Variants in OPCML observed in about 807,000 individuals in gnomAD.
OPCML encodes opioid binding protein/cell adhesion molecule like.
Under a neutral mutation model 37.8 loss-of-function variants are expected in OPCML, and 13 were observed. The ratio of observed to expected loss-of-function variants is 0.34; its 90% CI spans 0.22 to 0.55. OPCML has a LOEUF of 0.55. OPCML is among the 20% of genes least tolerant of loss of function. The pLI is 0.91. For synonymous variants in OPCML, 176 were observed against 168.8 expected (o/e 1.04, Z -0.33); for missense variants, 341 against 435.6 (o/e 0.78, Z 1.93).
chr11:132,920,580 T>C (rs1233391567), intron 2 of OPCML, among the ~76,000 whole-genome samples: 1 of 152,096 alleles, frequency 6.6e-6, no homozygotes, highest in Non-Finnish European at 1.5e-5. Flanking sequence ...GGTGCACACA[T>C]GGCCCCAGGA....
At chr11:133,330,603 A>G (rs1261977811) in intron 1 of OPCML, among the ~76,000 whole-genome samples, 1 of 151,336 alleles carries the variant, frequency 6.6e-6, no homozygotes, top group Non-Finnish European at 1.5e-5. Context: ...ACCAAACACC[A>G]GATGTTCTCA....
intron 1 of OPCML, among the ~76,000 whole-genome samples, chr11:133,035,262 A>G (rs1412824410): frequency 2.0e-5 from 3 of 152,198 alleles, no homozygotes; most frequent in African/African-American, 7.2e-5. Flanking sequence ...GCCTCTTCCT[A>G]GAGAAACTTT....
chr11:133,435,987 T>A (rs1484684942), intron 1 of OPCML, among the ~76,000 whole-genome samples: 1 of 152,212 alleles, frequency 6.6e-6, no homozygotes, highest in Non-Finnish European at 1.5e-5. Flanking sequence ...CTATAAATAA[T>A]GATTTCCAAA....
chr11:132,744,260 T>C (rs1400490961), intron 2 of OPCML, among the ~76,000 whole-genome samples: 1 of 152,200 alleles, frequency 6.6e-6, no homozygotes, highest in Admixed American at 6.5e-5. Flanking sequence ...GCCCATTTTT[T>C]ATGCACTCGC....
chr11:133,212,500 C>T lies in OPCML; in HGVS notation c.62-269490G>A, dbSNP rs1335266693. Among the ~76,000 whole-genome samples the T allele has an allele frequency of 6.6e-6, 1 of 152,238 alleles. No individual in the cohort carries two copies. The highest frequency in any genetic ancestry group is 2.4e-5 in the African/African-American group (1 of 41,466). On this transcript the variant is annotated intron_variant, in intron 1 of 7. Coordinates refer to ENST00000524381, the MANE Select transcript of OPCML (RefSeq NM_001012393.5). The surrounding 1 kb of genome is among the most constrained non-coding windows in gnomAD (Gnocchi z 4.9). ...TCAAGTCTTTGCTCCATTGTCTCAT[C>T]TTCCAGAACGCCGACCCTCGGCACC...
At chr11:133,233,288 G>T (rs111876038) in intron 1 of OPCML, among the ~76,000 whole-genome samples, 1 of 152,124 alleles carries the variant, frequency 6.6e-6, no homozygotes, top group African/African-American at 2.4e-5. Context: ...CCCCAAATAT[G>T]CCACTTTGGC....
chr11:132,643,058 C>T (rs2135727482), intron 3 of OPCML, among the ~76,000 whole-genome samples: 1 of 152,304 alleles, frequency 6.6e-6, no homozygotes, highest in African/African-American at 2.4e-5. Context: ...ACCTGGCCTG[C>T]TCCTGCTGTG....
intron 1 of OPCML, among the ~76,000 whole-genome samples, chr11:132,966,091 AT>A (rs1025926727): frequency 6.7e-6 from 1 of 149,870 alleles, no homozygotes; most frequent in East Asian, 2.0e-4. Context: ...TTAGTTTTCT[AT>A]TTTTTTCCCA....
rs1027943198 is a variant in OPCML, at chr11:133,207,167, G to A, written c.62-264157C>T. Among the ~76,000 whole-genome samples, 5 of 151,506 alleles carry A rather than the reference G, an allele frequency of 3.3e-5. No homozygotes were observed. The South Asian group carries it at 6.3e-4, about 19-fold the overall frequency. On this transcript the variant is annotated intron_variant, in intron 1 of 7. Transcript: ENST00000524381. The stretch of plus-strand genomic sequence containing the variant: ...TACAAAAAATTAACCAGGTGTGGTG[G>A]CGGGCACCTGTTGTCCCAGCTACTC...
chr11:133,079,232 G>C (rs1046894555), intron 1 of OPCML, among the ~76,000 whole-genome samples: 1 of 152,138 alleles, frequency 6.6e-6, no homozygotes, highest in Admixed American at 6.5e-5. Context: ...AACGAGAGGC[G>C]TATTTCAACT....
intron 1 of OPCML, among the ~76,000 whole-genome samples, chr11:133,112,112 C>A (rs1341898111): frequency 2.0e-5 from 3 of 151,690 alleles, no homozygotes; most frequent in Non-Finnish European, 4.4e-5. Flanking sequence ...CTTTTATTAT[C>A]CTACTTTGGA....
At chr11:132,807,972 A>G (rs1000053638) in intron 2 of OPCML, among the ~76,000 whole-genome samples, 13 of 152,232 alleles carry the variant, frequency 8.5e-5, no homozygotes, top group African/African-American at 3.1e-4. Flanking sequence ...CACGTATTAC[A>G]TGAGTAAATG....
At chr11:132,912,676 T>C (rs936295145) in intron 2 of OPCML, among the ~76,000 whole-genome samples, 2 of 152,206 alleles carry the variant, frequency 1.3e-5, no homozygotes, top group African/African-American at 4.8e-5. Flanking sequence ...CTCAAATTTA[T>C]CATCTCTTGT....
At chr11:132,828,194 C>G (rs1940474667) in intron 2 of OPCML, among the ~76,000 whole-genome samples, 1 of 151,982 alleles carries the variant, frequency 6.6e-6, no homozygotes, top group Admixed American at 6.6e-5. Flanking sequence ...CTGGAAAAGG[C>G]ACAATTATAG....
chr11:133,443,222 G>T (rs1298209990), intron 1 of OPCML, among the ~76,000 whole-genome samples: 1 of 152,146 alleles, frequency 6.6e-6, no homozygotes, highest in Non-Finnish European at 1.5e-5. Context: ...AAGATTCAGG[G>T]TGCTTGAAAG....
intron 4 of OPCML, among the ~76,000 whole-genome samples, chr11:132,448,231 A>T (rs1019225629): frequency 3.9e-5 from 6 of 152,048 alleles, no homozygotes; most frequent in African/African-American, 9.7e-5. Flanking sequence ...CTTTTATTTG[A>T]TGCTGTCTCT....
At chr11:132,966,700 T>C (rs1397172500) in intron 1 of OPCML, among the ~76,000 whole-genome samples, 1 of 152,116 alleles carries the variant, frequency 6.6e-6, no homozygotes, top group Non-Finnish European at 1.5e-5. Context: ...TTCTTTTAAA[T>C]CAATATTTGC....
chr11:132,929,797 A>G (rs960293620), intron 2 of OPCML, among the ~76,000 whole-genome samples: 2 of 152,206 alleles, frequency 1.3e-5, no homozygotes, highest in African/African-American at 4.8e-5. Flanking sequence ...GGAAAAAACA[A>G]AACAACACAT....
intron 2 of OPCML, among the ~76,000 whole-genome samples, chr11:132,903,273 C>A (rs1272486937): frequency 6.6e-6 from 1 of 152,110 alleles, no homozygotes; most frequent in Non-Finnish European, 1.5e-5. Context: ...TAAAGGTTTC[C>A]CATATGTGAC....
Sources: allele counts gnomAD v4.1 joint callset (sites outside exome capture counted in the v4.1 genomes callset), GRCh38; gene constraint gnomAD v4.1.1; non-coding constraint Gnocchi (gnomAD v3.1); transcripts MANE v1.5; gene names NCBI Gene and HGNC (gene_info 2026-07-23, HGNC 2026-07-21).